RTL4: variants seen among roughly 807,000 people sequenced by gnomAD.
RTL4 encodes retrotransposon Gag like 4.
In RTL4, 4 loss-of-function variants were observed where a neutral mutation model predicts 5.3. The observed-to-expected ratio is 0.75, with a 90% CI of 0.37 to 1.72. The LOEUF is 1.72. Among genes scored for constraint, RTL4 ranks in the 40% most tolerant of loss-of-function variants. The pLI, the probability that RTL4 is intolerant of heterozygous loss-of-function variation, is 0.04. For missense variants in RTL4, 260 were observed against 227.1 expected, an observed-to-expected ratio of 1.14 and a Z score of -0.93; for synonymous variants, 98 against 87.3, an observed-to-expected ratio of 1.12 and a Z score of -0.68.
the RTL4 span, among the ~76,000 whole-genome samples, chrX:112,331,986 C>T: frequency 1.5e-4 from 14 of 93,486 alleles, no homozygotes; most frequent in Middle Eastern, 5.2e-3. Flanking sequence ...GGAAGGGGAA[C>T]ATCACACTCT....
chrX:112,091,793 T>C, the RTL4 span, among the ~76,000 whole-genome samples: 1 of 111,298 alleles, frequency 9.0e-6, no homozygotes, highest in Non-Finnish European at 1.9e-5. Flanking sequence ...CTTAATGATT[T>C]TCTGTCTTCA....
the RTL4 span, among the ~76,000 whole-genome samples, chrX:112,340,692 T>C: frequency 9.1e-6 from 1 of 110,273 alleles, no homozygotes; most frequent in Non-Finnish European, 1.9e-5. Context: ...CAGAGCATTT[T>C]TCCTCTATTA....
the RTL4 span, among the ~76,000 whole-genome samples, chrX:112,147,950 A>G: frequency 9.0e-6 from 1 of 111,476 alleles, no homozygotes; most frequent in African/African-American, 3.3e-5. Flanking sequence ...TAACCCCACC[A>G]TAGTCTTTGC....
chrX:112,306,777 T>C, the RTL4 span, among the ~76,000 whole-genome samples: 1 of 111,350 alleles, frequency 9.0e-6, no homozygotes, highest in South Asian at 3.8e-4. Context: ...CTTCCCACAG[T>C]ATTCAGTACT....
chrX:112,242,904 CTGTTGAATTT>C, the RTL4 span, among the ~76,000 whole-genome samples: 1 of 111,490 alleles, frequency 9.0e-6, no homozygotes, highest in Non-Finnish European at 1.9e-5. Flanking sequence ...ACATGAAGGG[CTGTTGAATTT>C]TGTTGAATGC....
the RTL4 span, among the ~76,000 whole-genome samples, chrX:112,129,947 T>C: frequency 1.8e-5 from 2 of 112,013 alleles, no homozygotes; most frequent in African/African-American, 3.2e-5. Flanking sequence ...AACAGATATA[T>C]AAGACCCATT....
chrX:112,339,099 T>TA, the RTL4 span, among the ~76,000 whole-genome samples: 9 of 107,545 alleles, frequency 8.4e-5, no homozygotes, highest in East Asian at 2.9e-4. Flanking sequence ...ATTATAAAAG[T>TA]AAAAAAAAAA....
At chrX:112,443,530 T>A in the RTL4 span, among the ~76,000 whole-genome samples, 3 of 112,070 alleles carry the variant, frequency 2.7e-5, no homozygotes, top group Non-Finnish European at 5.6e-5. Context: ...CCACAGTGGT[T>A]GTACTAATTT....
chrX:112,367,847 G>A, the RTL4 span, among the ~76,000 whole-genome samples: 962 of 111,759 alleles, frequency 8.6e-3, 15 homozygotes, highest in African/African-American at 0.03. Context: ...ACTTCCTGCA[G>A]GATATGATGT....
At chrX:112,393,162 T>TTG in the RTL4 span, among the ~76,000 whole-genome samples, 1 of 78,762 alleles carries the variant, frequency 1.3e-5, no homozygotes, top group African/African-American at 7.7e-5. Flanking sequence ...TTTTTTTTTG[T>TTG]TTTTTTTTTT....
chrX:112,271,861 A>C, the RTL4 span, among the ~76,000 whole-genome samples: 1 of 111,949 alleles, frequency 8.9e-6, no homozygotes, highest in Non-Finnish European at 1.9e-5. Context: ...CTATCACCTC[A>C]AGCATTTATC....
chrX:112,115,060 C>T, the RTL4 span, among the ~76,000 whole-genome samples: 1 of 110,738 alleles, frequency 9.0e-6, no homozygotes, highest in Non-Finnish European at 1.9e-5. Context: ...CAAGGGTGAG[C>T]CTGTTGATGC....
chrX:112,101,479 A>G, the RTL4 span, among the ~76,000 whole-genome samples: 1 of 111,618 alleles, frequency 9.0e-6, no homozygotes, highest in Non-Finnish European at 1.9e-5. Flanking sequence ...GAAAATTTGG[A>G]AAGCCTAAAT....
the RTL4 span, among the ~76,000 whole-genome samples, chrX:112,353,189 G>A: frequency 8.9e-6 from 1 of 111,789 alleles, no homozygotes; most frequent in Non-Finnish European, 1.9e-5. Context: ...AACAACAGGT[G>A]CTGGAGAGGA....
the RTL4 span, among the ~76,000 whole-genome samples, chrX:112,418,928 C>T: frequency 9.3e-6 from 1 of 107,869 alleles, no homozygotes; most frequent in Non-Finnish European, 1.9e-5. Context: ...TTTGAATTTC[C>T]TCATATATTG....
the RTL4 span, among the ~76,000 whole-genome samples, chrX:112,114,371 T>C: frequency 8.9e-6 from 1 of 111,826 alleles, no homozygotes; most frequent in African/African-American, 3.3e-5. Context: ...TTGACTAAGA[T>C]ACCGGGTATC....
At chrX:112,089,350 G>A in the RTL4 span, among the ~76,000 whole-genome samples, 2 of 111,214 alleles carry the variant, frequency 1.8e-5, no homozygotes, top group Non-Finnish European at 3.8e-5. Context: ...ATTTACTCTT[G>A]TGTTTTCTTT....
At chrX:112,105,262 A>G in the RTL4 span, among the ~76,000 whole-genome samples, 2 of 111,906 alleles carry the variant, frequency 1.8e-5, no homozygotes, top group Admixed American at 9.5e-5. Flanking sequence ...TTTTTATGCC[A>G]GTACCATATT....
At chrX:112,409,507 G>T in the RTL4 span, among the ~76,000 whole-genome samples, 1 of 110,477 alleles carries the variant, frequency 9.1e-6, no homozygotes, top group East Asian at 2.8e-4. Flanking sequence ...GGATCACGAG[G>T]TCGGGAGTTC....
Sources: allele counts gnomAD v4.1 joint callset (sites outside exome capture counted in the v4.1 genomes callset), GRCh38; gene constraint gnomAD v4.1.1; transcripts MANE v1.5; gene names NCBI Gene and HGNC (gene_info 2026-07-23, HGNC 2026-07-21).